ZC4H2: variants seen among roughly 807,000 people sequenced by gnomAD.
The protein encoded by ZC4H2 is zinc finger C4H2 domain-containing protein.
For synonymous variants in ZC4H2, 84 were observed against 66.3 expected, an observed-to-expected ratio of 1.27 and a Z score of -1.30; for missense variants, 137 against 173.9, an observed-to-expected ratio of 0.79 and a Z score of 1.19.
chrX:64,957,343 G>A (rs1461708878), intron 1 of ZC4H2, among the ~76,000 whole-genome samples: 2 of 111,756 alleles, frequency 1.8e-5, no homozygotes, highest in African/African-American at 6.5e-5. Flanking sequence ...TCTAAGGGCT[G>A]CCCAATTCAT....
At position 64,916,401 on chromosome X, in the gene ZC4H2, G is replaced by T. The variant is rs749041569; in HGVS notation, c.*1382C>A. 3.6e-5 allele frequency: 4 copies of T among 111,767 alleles called. No individual in the cohort carries two copies. Among genetic ancestry groups the T allele is most frequent in the African/African-American group, 6.5e-5 (2 of 30,733 alleles). 9.2% of individuals were successfully genotyped at this position (111,767 alleles called of 1,213,427 possible). A position where few individuals can be genotyped will look rare whatever the true frequency, so the allele number is the denominator to read the frequency against. Reference sequence around the variant, plus strand: ...AAAGGTAAATGACATTACATCTTTTGTATTATCCAATACACAGTAGATACT... The same window carrying T: ...AAAGGTAAATGACATTACATCTTTTTTATTATCCAATACACAGTAGATACT... On this transcript the variant is annotated 3_prime_UTR_variant, in exon 5 of 5. Transcript: ENST00000374839.
At chrX:64,952,119 G>C (rs961982197) in intron 1 of ZC4H2, among the ~76,000 whole-genome samples, 1 of 110,484 alleles carries the variant, frequency 9.1e-6, no homozygotes, top group Non-Finnish European at 1.9e-5. Flanking sequence ...GTAGACATGT[G>C]GCGTTATTTC....
chrX:64,921,140 A>G (rs1373054529), intron 2 of ZC4H2, among the ~76,000 whole-genome samples: 2 of 112,521 alleles, frequency 1.8e-5, no homozygotes, highest in Non-Finnish European at 3.7e-5. Context: ...TGAGTTTTCC[A>G]GAAATATAAA....
At chrX:64,994,746 A>G (rs1221808671) in intron 1 of ZC4H2, among the ~76,000 whole-genome samples, 4 of 111,700 alleles carry the variant, frequency 3.6e-5, no homozygotes, top group African/African-American at 1.3e-4. Flanking sequence ...TTAACAGTTT[A>G]AAGGTGGCCC....
chrX:64,980,281 T>G (rs749323963), upstream of ZC4H2, among the ~76,000 whole-genome samples: 2 of 111,848 alleles, frequency 1.8e-5, no homozygotes, highest in African/African-American at 3.3e-5. Flanking sequence ...GCTTACCATT[T>G]AGTGAGAGAG....
chrX:64,927,085 G>C (rs1929456385), intron 1 of ZC4H2, among the ~76,000 whole-genome samples: 1 of 111,282 alleles, frequency 9.0e-6, no homozygotes, highest in South Asian at 3.8e-4. Context: ...AGGGTCTTTG[G>C]AAGAGTATTT....
chrX:64,961,626 C>T (rs948038430), intron 1 of ZC4H2, among the ~76,000 whole-genome samples: 9 of 105,628 alleles, frequency 8.5e-5, no homozygotes, highest in African/African-American at 3.0e-4. Flanking sequence ...TTTTTTAATG[C>T]AACTAAGAGG....
chrX:64,971,793 G>A (rs899282636), intron 1 of ZC4H2, among the ~76,000 whole-genome samples: 3 of 111,550 alleles, frequency 2.7e-5, no homozygotes, highest in Non-Finnish European at 3.8e-5. Flanking sequence ...GGACCCAGTC[G>A]AGAAACATTC....
intron 1 of ZC4H2, among the ~76,000 whole-genome samples, chrX:64,927,546 G>A (rs1337934193): frequency 8.9e-6 from 1 of 111,963 alleles, no homozygotes; most frequent in African/African-American, 3.2e-5. Context: ...GGGCATTTGG[G>A]TTGGTTCCAA....
chrX:64,936,821 C>T (rs1930033295), intron 1 of ZC4H2, among the ~76,000 whole-genome samples: 1 of 111,720 alleles, frequency 9.0e-6, no homozygotes, highest in South Asian at 3.7e-4. Context: ...GCAAAAACAA[C>T]AAATTGTAAA....
intron 1 of ZC4H2, among the ~76,000 whole-genome samples, chrX:64,952,535 G>C (rs914747179): frequency 9.0e-6 from 1 of 110,790 alleles, no homozygotes; most frequent in Non-Finnish European, 1.9e-5. Flanking sequence ...CAGACAAACA[G>C]AGAGCCAAAT....
intron 1 of ZC4H2, among the ~76,000 whole-genome samples, chrX:64,931,677 A>G (rs758080481): frequency 1.8e-5 from 2 of 111,310 alleles, no homozygotes; most frequent in Non-Finnish European, 3.8e-5. Context: ...TTCTTTTTGA[A>G]GTTGATTTCC....
At chrX:64,919,264 T>C in intron 3 of ZC4H2, 60 bp from the exon 4 acceptor site, 2 of 1,163,029 alleles carry the variant, frequency 1.7e-6, no homozygotes, top group Non-Finnish European at 2.3e-6. Context: ...CTTGCTCCTC[T>C]TAAAGACTCC....
In ZC4H2 at chrX:64,919,987, T is replaced by C. The variant is rs767860968; in HGVS notation, c.398+94A>G. 4 of 954,753 alleles carry C rather than the reference T, an allele frequency of 4.2e-6. No individual in the cohort carries two copies. The South Asian group carries it at 9.5e-5, about 23-fold the overall frequency. 78.7% of individuals were successfully genotyped at this position (954,753 alleles called of 1,213,427 possible). ...ACTCTGACTTTCAGGCTAGGCTTTGTGTATGTATACCTGCCCGTGTGTGTG... is the reference window on the plus strand; with the variant it reads ...ACTCTGACTTTCAGGCTAGGCTTTGCGTATGTATACCTGCCCGTGTGTGTG... On this transcript the variant is annotated intron_variant, in intron 3 of 4. Coordinates refer to ENST00000374839, the MANE Select transcript of ZC4H2 (RefSeq NM_018684.4).
chrX:64,980,210 A>G (rs2147425353), upstream of ZC4H2, among the ~76,000 whole-genome samples: 1 of 112,542 alleles, frequency 8.9e-6, no homozygotes, highest in East Asian at 2.8e-4. Context: ...GTCAGGAACC[A>G]TCGAGGTTTC....
rs186876563 is a variant in ZC4H2 at position 64,921,001 on chromosome X, C to T, written c.226-748G>A. ...TTAGCTGGCAGCCAAACTGTCAACACTTTATGAGATCTAGAATTCTGCGAT... is the reference window on the plus strand; with the variant it reads ...TTAGCTGGCAGCCAAACTGTCAACATTTTATGAGATCTAGAATTCTGCGAT... On this transcript the variant is annotated intron_variant, in intron 2 of 4. Coordinates refer to ENST00000374839, the MANE Select transcript of ZC4H2 (RefSeq NM_018684.4). 1.6e-3 allele frequency among the ~76,000 whole-genome samples: 176 copies of T among 112,259 alleles called. 1 individual carries two copies. Among genetic ancestry groups the T allele is most frequent in the Non-Finnish European group, 2.6e-3 (140 of 53,263 alleles).
chrX:64,972,672 A>G (rs1056515910), intron 1 of ZC4H2, among the ~76,000 whole-genome samples: 6 of 111,734 alleles, frequency 5.4e-5, no homozygotes, highest in South Asian at 3.7e-4. Flanking sequence ...CTGATCCTCA[A>G]TGTCCTTATC....
intron 1 of ZC4H2, among the ~76,000 whole-genome samples, chrX:64,938,811 A>G (rs1930135832): frequency 2.7e-5 from 3 of 112,131 alleles, no homozygotes; most frequent in African/African-American, 9.7e-5. Flanking sequence ...GCTATTTATG[A>G]CAAACCTACA....
At chrX:64,967,324 A>G (rs1307157022) in intron 1 of ZC4H2, among the ~76,000 whole-genome samples, 1 of 111,679 alleles carries the variant, frequency 9.0e-6, no homozygotes, top group African/African-American at 3.3e-5. Context: ...TCTAATCTAC[A>G]AAGAGTGTCA....
Sources: gnomAD v4.1 joint callset for allele counts (sites outside exome capture counted in the v4.1 genomes callset) on GRCh38, gnomAD v4.1.1 for gene constraint, MANE v1.5 for transcripts, NCBI Gene and HGNC (gene_info 2026-07-23, HGNC 2026-07-21) for gene names.